Variants in PTPRD observed in about 807,000 individuals in gnomAD.
PTPRD encodes the protein receptor-type tyrosine-protein phosphatase delta.
In PTPRD, 34 loss-of-function variants were observed where a neutral mutation model predicts 214.5. That is an observed-to-expected ratio of 0.16 (90% CI 0.12 to 0.21). The LOEUF is 0.21. Among genes scored for constraint, PTPRD ranks in the 10% least tolerant of loss-of-function variants. The probability of loss-of-function intolerance (pLI) is 1.00; values close to 1 mark genes in which losing one functional copy is unlikely to be tolerated. For missense variants in PTPRD, 2,545 were observed against 2,398.7 expected, an observed-to-expected ratio of 1.06 and a Z score of -1.27; for synonymous variants, 1,128 against 845.7, an observed-to-expected ratio of 1.33 and a Z score of -5.79.
intron 9 of PTPRD, among the ~76,000 whole-genome samples, chr9:9,370,435 G>T (rs200322522): frequency 0.24 from 35,549 of 148,438 alleles, 5,684 homozygotes; most frequent in African/African-American, 0.44. Context: ...TGTATAAGAA[G>T]GCTTGTGATT....
chr9:10,050,789 A>C (rs1360268492), intron 3 of PTPRD, among the ~76,000 whole-genome samples: 1 of 151,926 alleles, frequency 6.6e-6, no homozygotes, highest in East Asian at 1.9e-4. Flanking sequence ...TTTCATTCTT[A>C]ACCCTAAATT....
intron 5 of PTPRD, among the ~76,000 whole-genome samples, chr9:9,934,903 G>T (rs1378220075): frequency 2.6e-5 from 4 of 152,128 alleles, no homozygotes; most frequent in African/African-American, 7.2e-5. Flanking sequence ...TCATCCCTGG[G>T]ATGCAAGGCT....
chr9:8,487,260 C>T, intron 27 of PTPRD, among the ~76,000 whole-genome samples: 1 of 152,134 alleles, frequency 6.6e-6, no homozygotes, highest in Admixed American at 6.5e-5. Context: ...GGCTAGCTTC[C>T]AATGAATACA....
intron 5 of PTPRD, among the ~76,000 whole-genome samples, chr9:9,878,393 G>A (rs16930472): frequency 6.6e-6 from 1 of 152,118 alleles, no homozygotes; most frequent in Non-Finnish European, 1.5e-5. Flanking sequence ...TATCGTGGGA[G>A]AATTATAGGG....
chr9:10,180,322 T>A (rs2099274691), intron 3 of PTPRD, among the ~76,000 whole-genome samples: 3 of 152,014 alleles, frequency 2.0e-5, no homozygotes, highest in Non-Finnish European at 4.4e-5. Flanking sequence ...GCCAAAGTTC[T>A]AAAAGTAAAA....
At chr9:9,707,385 G>C (rs906507879) in intron 7 of PTPRD, among the ~76,000 whole-genome samples, 1 of 152,132 alleles carries the variant, frequency 6.6e-6, no homozygotes, top group African/African-American at 2.4e-5. Context: ...TTATGTCAGA[G>C]ATGAGATATA....
chr9:9,223,690 GA>G (rs1192943526), intron 9 of PTPRD, among the ~76,000 whole-genome samples: 1 of 151,846 alleles, frequency 6.6e-6, no homozygotes, highest in Non-Finnish European at 1.5e-5. Flanking sequence ...TGGTACTTGA[GA>G]AAAACAGGAT....
chr9:9,727,658 T>A (rs2098118401), intron 7 of PTPRD, among the ~76,000 whole-genome samples: 3 of 152,128 alleles, frequency 2.0e-5, no homozygotes, highest in South Asian at 4.1e-4. Flanking sequence ...CAATTATGAA[T>A]ATAATGTAAT....
chr9:10,379,812 G>C (rs1392602203), intron 2 of PTPRD, among the ~76,000 whole-genome samples: 2 of 152,040 alleles, frequency 1.3e-5, no homozygotes, highest in Non-Finnish European at 2.9e-5. Context: ...TCTCACAAAT[G>C]TGTGTAGAGA....
intron 12 of PTPRD, among the ~76,000 whole-genome samples, chr9:8,648,370 T>C (rs1270467389): frequency 6.6e-6 from 1 of 152,202 alleles, no homozygotes; most frequent in Non-Finnish European, 1.5e-5. Flanking sequence ...CCATTCTGTT[T>C]TGGTGTAAGA....
chr9:9,981,354 A>ATTCTTTTTT (rs36081416), intron 4 of PTPRD, among the ~76,000 whole-genome samples: 1 of 138,190 alleles, frequency 7.2e-6, no homozygotes, highest in East Asian at 2.1e-4. Context: ...ACATTAAACA[A>ATTCTTTTTT]TTTTTTTTTT....
intron 7 of PTPRD, among the ~76,000 whole-genome samples, chr9:9,609,838 T>C (rs1467834063): frequency 6.6e-6 from 1 of 152,206 alleles, no homozygotes; most frequent in Non-Finnish European, 1.5e-5. Context: ...TTGTGTTTTG[T>C]CAATTCAGCG....
intron 2 of PTPRD, among the ~76,000 whole-genome samples, chr9:10,428,930 G>A (rs543074590): frequency 2.2e-4 from 34 of 152,084 alleles, no homozygotes; most frequent in African/African-American, 7.9e-4. Flanking sequence ...CCTAAGTCAC[G>A]AAAGTTTCTG....
At chr9:10,538,127 T>A (rs1458795415) in intron 2 of PTPRD, among the ~76,000 whole-genome samples, 4 of 151,962 alleles carry the variant, frequency 2.6e-5, no homozygotes, top group African/African-American at 9.7e-5. Context: ...TGAATCACAG[T>A]GCCTATCCCT....
intron 12 of PTPRD, among the ~76,000 whole-genome samples, chr9:8,704,958 A>C (rs1330157689): frequency 6.6e-6 from 1 of 151,970 alleles, no homozygotes; most frequent in Non-Finnish European, 1.5e-5. Context: ...GAAATAAAAG[A>C]AAGTTCAATG....
chr9:9,407,369 T>A (rs1426772854), intron 8 of PTPRD, among the ~76,000 whole-genome samples: 1 of 151,764 alleles, frequency 6.6e-6, no homozygotes, highest in Non-Finnish European at 1.5e-5. Context: ...CTACCTAACA[T>A]GATTATAAAT....
intron 4 of PTPRD, among the ~76,000 whole-genome samples, chr9:10,029,550 A>G (rs2154129604): frequency 6.6e-6 from 1 of 152,296 alleles, no homozygotes; most frequent in East Asian, 1.9e-4. Flanking sequence ...TGGAGCTTTA[A>G]GATTTGACTG....
At chr9:10,011,624 GT>G (rs558882210) in intron 4 of PTPRD, among the ~76,000 whole-genome samples, 202 of 151,818 alleles carry the variant, frequency 1.3e-3, no homozygotes, top group Non-Finnish European at 2.2e-3. Flanking sequence ...TGTGTTTTTG[GT>G]TTACTTAAAA....
chr9:10,084,075 C>A (rs751810158), intron 3 of PTPRD, among the ~76,000 whole-genome samples: 1 of 152,028 alleles, frequency 6.6e-6, no homozygotes, highest in South Asian at 2.1e-4. Context: ...TTTAGAAACA[C>A]AGTTAATAAT....
Sources: allele counts gnomAD v4.1 joint callset (sites outside exome capture counted in the v4.1 genomes callset), GRCh38; gene constraint gnomAD v4.1.1; transcripts MANE v1.5; gene names NCBI Gene and HGNC (gene_info 2026-07-23, HGNC 2026-07-21).